The following RFX4 variants were observed in gnomAD, a reference collection of about 807,000 sequenced individuals.
RFX4 encodes the protein regulatory factor X4.
RFX4 carries 10 observed loss-of-function variants against 95.0 expected under a neutral mutation model. The ratio of observed to expected loss-of-function variants is 0.11; its 90% confidence interval spans 0.06 to 0.18. The LOEUF (loss-of-function observed/expected upper bound fraction) is 0.18. Among genes scored for constraint, RFX4 ranks in the 10% least tolerant of loss-of-function variants. RFX4 has a pLI of 1.00. For missense variants in RFX4, 640 were observed against 922.0 expected, an observed-to-expected ratio of 0.69 and a Z score of 3.96; for synonymous variants, 321 against 340.7, an observed-to-expected ratio of 0.94 and a Z score of 0.64.
At chr12:106,639,432 G>A in intron 3 of RFX4, 40 bp downstream of exon 3, 1 of 1,564,828 alleles carries the variant, frequency 6.4e-7, no homozygotes, top group Non-Finnish European at 8.8e-7. Flanking sequence ...TTCAGAGGAT[G>A]CTCATATCTT....
Position 106,646,262 on chromosome 12 carries a change from G to A in RFX4, c.191+6870G>A, listed in dbSNP as rs566622201. ...AGAGTACTGGGTATAGGTGGAAAGGGACCACTGAGGAGGTAGCTTCTGGTA... is the reference window on the plus strand; with the variant it reads ...AGAGTACTGGGTATAGGTGGAAAGGAACCACTGAGGAGGTAGCTTCTGGTA... On this transcript the variant is annotated intron_variant, in intron 3 of 17. Coordinates refer to ENST00000392842, the MANE Select transcript of RFX4 (RefSeq NM_213594.3). 4.0e-5 allele frequency among the ~76,000 whole-genome samples: 6 copies of A among 151,894 alleles called. 1 individual carries two copies. In the South Asian group the frequency reaches 1.3e-3, roughly 32 times the overall value.
At chr12:106,618,780 T>A (rs2137230340) in intron 2 of RFX4, among the ~76,000 whole-genome samples, 1 of 152,258 alleles carries the variant, frequency 6.6e-6, no homozygotes, top group Middle Eastern at 3.4e-3. Flanking sequence ...AACTTACTAT[T>A]TATTTTTTAT....
chr12:106,652,805 G>T (rs1373417680), intron 3 of RFX4, among the ~76,000 whole-genome samples: 1 of 152,188 alleles, frequency 6.6e-6, no homozygotes, highest in Non-Finnish European at 1.5e-5. Context: ...ACCTTGGGGG[G>T]CCGTGTCCTC....
chr12:106,664,470 C>A (rs1032373283), intron 4 of RFX4, among the ~76,000 whole-genome samples: 46 of 151,660 alleles, frequency 3.0e-4, no homozygotes, highest in African/African-American at 1.1e-3. Context: ...TTGCTAGAGG[C>A]CTATCAATTT....
chr12:106,639,334 G>A lies in RFX4; in HGVS notation c.133G>A (p.Glu45Lys). ...SLGNVSNDEN[E>K]EKENNRASKP... ...CTTCTTTTTCTTTCCTTTAACAGAT[G>A]AGGAAAAAGAAAATAATAGAGCATC... The change falls in exon 3 of 18, where the codon GAG becomes AAG. Residue 45 changes from glutamate to lysine, a missense_variant and splice_region_variant. Around this residue, in one of 7 missense-constraint regions of RFX4, gnomAD observed 63 missense variants for 68.8 expected, o/e 0.92. Coordinates refer to ENST00000392842, the MANE Select transcript of RFX4 (RefSeq NM_213594.3). The A allele has an allele frequency of 6.2e-7, 1 of 1,612,804 alleles. No homozygotes were observed. Among genetic ancestry groups the A allele is most frequent in the African/African-American group, 1.3e-5 (1 of 74,966 alleles).
intron 2 of RFX4, among the ~76,000 whole-genome samples, chr12:106,618,080 T>C (rs937553344): frequency 2.6e-5 from 4 of 152,190 alleles, no homozygotes; most frequent in Non-Finnish European, 5.9e-5. Flanking sequence ...AATGCCCATG[T>C]GCACTTGAGG....
chr12:106,748,359 T>C (rs1157457441), intron 16 of RFX4, among the ~76,000 whole-genome samples: 4 of 152,170 alleles, frequency 2.6e-5, no homozygotes, highest in South Asian at 4.1e-4. Flanking sequence ...AGAGAAGGGC[T>C]TCCCCACCTG....
chr12:106,702,072 T>C (rs572585888), intron 8 of RFX4, among the ~76,000 whole-genome samples: 3 of 152,158 alleles, frequency 2.0e-5, no homozygotes, highest in Non-Finnish European at 4.4e-5. Context: ...TGTGTTCTTC[T>C]GAAATTCCAC....
chr12:106,592,292 AT>A (rs1419344664), intron 1 of RFX4, among the ~76,000 whole-genome samples: 4 of 151,870 alleles, frequency 2.6e-5, no homozygotes, highest in African/African-American at 9.7e-5. Flanking sequence ...GAGATAAGTC[AT>A]TTTTTTTCTG....
intron 1 of RFX4, among the ~76,000 whole-genome samples, chr12:106,602,154 G>C (rs1337249028): frequency 6.6e-6 from 1 of 152,232 alleles, no homozygotes; most frequent in Non-Finnish European, 1.5e-5. Context: ...CTGGATCTGA[G>C]TTTCATTCTT....
chr12:106,620,924 C>T (rs764160770), intron 2 of RFX4, among the ~76,000 whole-genome samples: 2 of 152,110 alleles, frequency 1.3e-5, no homozygotes, highest in East Asian at 1.9e-4. Context: ...CCTACTTGCA[C>T]GTCCATTTAT....
chr12:106,641,979 A>ATATCTATATC (rs1565961049), intron 3 of RFX4, among the ~76,000 whole-genome samples: 14 of 126,082 alleles, frequency 1.1e-4, no homozygotes, highest in Non-Finnish European at 5.1e-5. Flanking sequence ...ATCTATATCT[A>ATATCTATATC]TATCTATATC....
intron 3 of RFX4, among the ~76,000 whole-genome samples, chr12:106,651,169 A>G (rs2040850112): frequency 6.6e-6 from 1 of 152,118 alleles, no homozygotes; most frequent in African/African-American, 2.4e-5. Flanking sequence ...TCCATCATTA[A>G]AAGCACATGG....
At chr12:106,697,056 C>T (rs2041894033) in intron 8 of RFX4, among the ~76,000 whole-genome samples, 1 of 152,056 alleles carries the variant, frequency 6.6e-6, no homozygotes, top group Non-Finnish European at 1.5e-5. Context: ...ATTATCTGGC[C>T]CCCTTCCTGT....
At chr12:106,595,380 G>C (rs2039604362) in intron 1 of RFX4, among the ~76,000 whole-genome samples, 1 of 152,188 alleles carries the variant, frequency 6.6e-6, no homozygotes, top group Non-Finnish European at 1.5e-5. Flanking sequence ...ATCCTGGTGG[G>C]AGACAGCAGC....
At chr12:106,630,869 C>G (rs1044793663) in intron 2 of RFX4, among the ~76,000 whole-genome samples, 2 of 152,178 alleles carry the variant, frequency 1.3e-5, no homozygotes, top group African/African-American at 4.8e-5. Context: ...AATAACTTCT[C>G]TAAAATCTTC....
chr12:106,705,563 G>A (rs927453681), intron 8 of RFX4, among the ~76,000 whole-genome samples: 1 of 152,202 alleles, frequency 6.6e-6, no homozygotes. Context: ...GCATCTCTTA[G>A]AGCAGGTGAT....
At chr12:106,745,780 A>G (rs1460173835) in intron 15 of RFX4, among the ~76,000 whole-genome samples, 2 of 152,224 alleles carry the variant, frequency 1.3e-5, no homozygotes, top group African/African-American at 2.4e-5. Flanking sequence ...CATGTTTTCC[A>G]TGTACCTAAA....
intron 17 of RFX4, among the ~76,000 whole-genome samples, chr12:106,757,080 T>C (rs2043121967): frequency 2.6e-5 from 4 of 152,220 alleles, no homozygotes; most frequent in Admixed American, 2.6e-4. Context: ...AACCCAGAGG[T>C]AGAACCAGAT....
Sources: gnomAD v4.1 joint callset for allele counts (sites outside exome capture counted in the v4.1 genomes callset) on GRCh38, gnomAD v4.1.1 for gene constraint, gnomAD v4.1.1 regional missense constraint, MANE v1.5 for transcripts, NCBI Gene and HGNC (gene_info 2026-07-23, HGNC 2026-07-21) for gene names.